The following NRXN3 variants were observed in gnomAD, a reference collection of about 807,000 sequenced individuals.
The protein encoded by NRXN3 is neurexin 3.
In NRXN3, 32 loss-of-function variants were observed where a neutral mutation model predicts 137.6. The ratio of observed to expected loss-of-function variants is 0.23; its 90% confidence interval spans 0.18 to 0.31. The LOEUF (loss-of-function observed/expected upper bound fraction) is 0.31, where lower values mean the gene tolerates loss of function less well. Ranked by LOEUF, NRXN3 falls within the 10% of genes least tolerant of loss-of-function variation. The pLI is 1.00. For synonymous variants in NRXN3, 798 were observed against 784.5 expected (o/e 1.02, Z -0.29); for missense variants, 1,574 against 2,062.5 (o/e 0.76, Z 4.59).
intron 6 of NRXN3, among the ~76,000 whole-genome samples, chr14:78,703,149 G>A (rs1302641169): frequency 6.6e-6 from 1 of 152,208 alleles, no homozygotes; most frequent in African/African-American, 2.4e-5. Context: ...AGCAATTTCA[G>A]ATGTTAAAAG....
At chr14:79,224,246 G>A (rs765220265) in intron 15 of NRXN3, among the ~76,000 whole-genome samples, 1 of 152,156 alleles carries the variant, frequency 6.6e-6, no homozygotes, top group Non-Finnish European at 1.5e-5. Context: ...TTGGTTGTCA[G>A]CTAACTGTGC....
intron 8 of NRXN3, among the ~76,000 whole-genome samples, chr14:78,738,087 A>G (rs1315050811): frequency 6.6e-6 from 1 of 152,208 alleles, no homozygotes; most frequent in Non-Finnish European, 1.5e-5. Context: ...TGTTACCACC[A>G]CAGCAGTAAC....
intron 4 of NRXN3, among the ~76,000 whole-genome samples, chr14:78,558,573 C>T (rs1323546700): frequency 6.6e-6 from 1 of 152,178 alleles, no homozygotes; most frequent in African/African-American, 2.4e-5. Context: ...TTTACTTTCT[C>T]TACTTCCTTT....
chr14:78,875,294 A>G (rs1458062493), intron 10 of NRXN3, among the ~76,000 whole-genome samples: 4 of 152,222 alleles, frequency 2.6e-5, no homozygotes, highest in Non-Finnish European at 4.4e-5. Flanking sequence ...GTCTGGAGGA[A>G]GCCAATTGCC....
At chr14:78,218,469 A>G (rs912865927) in intron 1 of NRXN3, among the ~76,000 whole-genome samples, 1 of 152,192 alleles carries the variant, frequency 6.6e-6, no homozygotes, top group East Asian at 1.9e-4. Flanking sequence ...CATGACATCT[A>G]TAAGTCTAGA....
rs1005534151 is a variant in NRXN3 at position 79,596,903 on chromosome 14, C to T, written c.3445-66875C>T. ...TGCTTGTCCAAGATAGCCATGCTCCCGCTGTGTCAATCCCCAAGTTTTAAA... is the reference window on the plus strand; with the variant it reads ...TGCTTGTCCAAGATAGCCATGCTCCTGCTGTGTCAATCCCCAAGTTTTAAA... On this transcript the variant is annotated intron_variant, in intron 16 of 20. Coordinates refer to ENST00000335750, the MANE Select transcript of NRXN3 (RefSeq NM_001330195.2). Among the ~76,000 whole-genome samples the T allele has an allele frequency of 5.9e-5, 9 of 152,072 alleles. 1 individual carries two copies. Among genetic ancestry groups the T allele is most frequent in the Admixed American group, 2.6e-4 (4 of 15,258 alleles).
intron 10 of NRXN3, among the ~76,000 whole-genome samples, chr14:78,857,552 G>A (rs553550129): frequency 1.7e-4 from 26 of 152,244 alleles, no homozygotes; most frequent in Admixed American, 5.2e-4. Flanking sequence ...TTGTGTGTGC[G>A]TGTAATTTAT....
chr14:79,451,837 C>T (rs922874280), intron 15 of NRXN3, among the ~76,000 whole-genome samples: 5 of 152,028 alleles, frequency 3.3e-5, no homozygotes, highest in East Asian at 1.9e-4. Context: ...TGATCTGCAC[C>T]GTGGCAGCCA....
chr14:79,852,567 C>T (rs1284797533), intron 20 of NRXN3, among the ~76,000 whole-genome samples: 2 of 152,142 alleles, frequency 1.3e-5, no homozygotes, highest in African/African-American at 4.8e-5. Context: ...TTACGACGTA[C>T]ATCCAGACTG....
intron 15 of NRXN3, among the ~76,000 whole-genome samples, chr14:79,412,882 A>G (rs781654286): frequency 5.3e-5 from 8 of 152,028 alleles, no homozygotes; most frequent in South Asian, 2.1e-4. Context: ...AATAAAATGC[A>G]TAGCAAGTTG....
intron 17 of NRXN3, among the ~76,000 whole-genome samples, chr14:79,688,557 T>TAAAG (rs1277794227): frequency 6.6e-6 from 1 of 152,192 alleles, no homozygotes; most frequent in Non-Finnish European, 1.5e-5. Flanking sequence ...AGTCTCACCT[T>TAAAG]AAAGAGGAAT....
intron 15 of NRXN3, among the ~76,000 whole-genome samples, chr14:79,117,586 T>A (rs2054665393): frequency 6.6e-6 from 1 of 152,144 alleles, no homozygotes; most frequent in Non-Finnish European, 1.5e-5. Context: ...AGCAATAAAT[T>A]TGTAAGAACA....
At chr14:79,455,310 C>T (rs1326989027) in intron 15 of NRXN3, among the ~76,000 whole-genome samples, 1 of 152,128 alleles carries the variant, frequency 6.6e-6, no homozygotes, top group African/African-American at 2.4e-5. Flanking sequence ...AAAGACCTTA[C>T]CCTATAATAG....
chr14:78,884,377 T>G (rs2099137347), intron 10 of NRXN3, among the ~76,000 whole-genome samples: 1 of 152,176 alleles, frequency 6.6e-6, no homozygotes, highest in Non-Finnish European at 1.5e-5. Context: ...CAAAATATCT[T>G]CTGGGTATTT....
intron 19 of NRXN3, among the ~76,000 whole-genome samples, chr14:79,700,334 G>T (rs570168935): frequency 1.7e-4 from 26 of 152,182 alleles, no homozygotes; most frequent in Middle Eastern, 6.8e-3. Context: ...GGAAAAAAAG[G>T]TAGGGAAGAC....
intron 16 of NRXN3, among the ~76,000 whole-genome samples, chr14:79,623,416 G>A (rs987922158): frequency 2.6e-5 from 4 of 152,106 alleles, no homozygotes; most frequent in African/African-American, 9.7e-5. Context: ...CTCAGTTTAA[G>A]GCATAGCAGC....
At chr14:79,799,469 G>T (rs1355210129) in intron 19 of NRXN3, among the ~76,000 whole-genome samples, 1 of 152,162 alleles carries the variant, frequency 6.6e-6, no homozygotes, top group Middle Eastern at 3.2e-3. Flanking sequence ...AGTGGAGAAA[G>T]GAGAGAAGTC....
chr14:78,822,503 T>C (rs1008676987), intron 10 of NRXN3, among the ~76,000 whole-genome samples: 27 of 151,810 alleles, frequency 1.8e-4, no homozygotes, highest in Admixed American at 1.7e-3. Flanking sequence ...GGTGAAACCC[T>C]GTCTCTGCTA....
chr14:78,654,918 T>A (rs1162713741), intron 6 of NRXN3, among the ~76,000 whole-genome samples: 2 of 152,186 alleles, frequency 1.3e-5, no homozygotes, highest in Non-Finnish European at 2.9e-5. Context: ...CTAAAGAACA[T>A]CTTGACATGG....
Sources: gnomAD v4.1 joint callset for allele counts (sites outside exome capture counted in the v4.1 genomes callset) on GRCh38, gnomAD v4.1.1 for gene constraint, MANE v1.5 for transcripts, NCBI Gene and HGNC (gene_info 2026-07-23, HGNC 2026-07-21) for gene names.